Variants in RGPD3 observed in about 807,000 individuals in gnomAD.
The protein encoded by RGPD3 is RANBP2 like and GRIP domain containing 3.
RGPD3 carries 62 observed loss-of-function variants against 154.5 expected under a neutral mutation model. That is an observed-to-expected ratio of 0.40 (90% CI 0.33 to 0.50). The LOEUF (loss-of-function observed/expected upper bound fraction) is 0.50. Among genes scored for constraint, RGPD3 ranks in the 20% least tolerant of loss-of-function variants. The pLI, the probability that RGPD3 is intolerant of heterozygous loss-of-function variation, is 0.59. For missense variants in RGPD3, 919 were observed against 1,716.8 expected (o/e 0.54, Z 8.21); for synonymous variants, 308 against 607.0 (o/e 0.51, Z 7.24).
chr2:106,410,761 G>A (rs1676646340), intron 22 of RGPD3, among the ~76,000 whole-genome samples: 1 of 151,674 alleles, frequency 6.6e-6, no homozygotes, highest in Non-Finnish European at 1.5e-5. Flanking sequence ...TATAAAATTA[G>A]GTTTACTTTT....
intron 1 of RGPD3, among the ~76,000 whole-genome samples, chr2:106,464,374 A>G (rs1223311636): frequency 4.6e-5 from 7 of 151,728 alleles, no homozygotes; most frequent in Admixed American, 4.6e-4. Flanking sequence ...AAATGTCTAA[A>G]ATGGGAGAAA....
At chr2:106,405,365 G>T (rs1397181104) in intron 22 of RGPD3, 136 bp from the exon 23 acceptor site, 4 of 951,722 alleles carry the variant, frequency 4.2e-6, no homozygotes, top group Admixed American at 3.3e-5. Context: ...TTTGTTGGGT[G>T]GGGGGGGTTC....
At chr2:106,406,624 T>A (rs1450300134) in intron 22 of RGPD3, among the ~76,000 whole-genome samples, 18 of 150,740 alleles carry the variant, frequency 1.2e-4, no homozygotes, top group South Asian at 4.3e-4. Context: ...GTGTACAGGT[T>A]TTTAATTAAA....
intron 1 of RGPD3, among the ~76,000 whole-genome samples, chr2:106,466,212 T>A (rs1308269166): frequency 1.3e-5 from 2 of 151,886 alleles, no homozygotes; most frequent in East Asian, 1.9e-4. Flanking sequence ...GCGCCAACGG[T>A]CTCCCGCCCG....
At chr2:106,438,403 C>T (rs1459282680) in intron 9 of RGPD3, among the ~76,000 whole-genome samples, 1 of 150,680 alleles carries the variant, frequency 6.6e-6, no homozygotes, top group Non-Finnish European at 1.5e-5. Context: ...CAAGAGAATC[C>T]CTTGAGCCCA....
chr2:106,450,705 C>CAAAAA (rs768839840), intron 6 of RGPD3, among the ~76,000 whole-genome samples: 43 of 43,250 alleles, frequency 9.9e-4, no homozygotes, highest in African/African-American at 4.1e-3. Context: ...GACTCTGTCT[C>CAAAAA]AAAAAAAAAA....
In RGPD3 at chr2:106,446,264, T is replaced by TAA. The variant is rs1239130246; in HGVS notation, c.978+1152_978+1153dup. Reference sequence around the variant, plus strand: ...CCTTTCAAAAGTTATGCAGGCTCATTAAAAAAAAAAAAAAAAAAAAGGCTG... The same window carrying TAA: ...CCTTTCAAAAGTTATGCAGGCTCATTAAAAAAAAAAAAAAAAAAAAAAGGCTG... On this transcript the variant is annotated intron_variant, in intron 7 of 22. Transcript: ENST00000409886. Among the ~76,000 whole-genome samples the TAA allele has an allele frequency of 6.3e-3, 462 of 73,328 alleles. 1 individual carries two copies. Among genetic ancestry groups the TAA allele is most frequent in the African/African-American group, 0.016 (304 of 19,128 alleles). The allele number at this position is 73,328 out of a possible 152,430, so 48.1% of individuals were successfully genotyped here. A position where few individuals can be genotyped will look rare whatever the true frequency, so the allele number is the denominator to read the frequency against.
intron 22 of RGPD3, among the ~76,000 whole-genome samples, chr2:106,412,134 AAAGT>A (rs1249443338): frequency 1.4e-5 from 2 of 144,928 alleles, no homozygotes; most frequent in East Asian, 2.0e-4. Flanking sequence ...GTCAAAAATA[AAAGT>A]AATTTAAAAC....
intron 22 of RGPD3, among the ~76,000 whole-genome samples, 172 bp from the exon 23 acceptor site, chr2:106,405,401 G>C (rs1298551941): frequency 7.0e-6 from 1 of 141,970 alleles, no homozygotes; most frequent in Non-Finnish European, 1.5e-5. Flanking sequence ...TTTGAGACAG[G>C]GTCTTGCTCT....
In RGPD3 at chr2:106,457,379, G is replaced by A. The variant is rs1398417482; in HGVS notation, c.252+188C>T. The stretch of plus-strand genomic sequence containing the variant: ...ACACAAAAGAACACCATTTCTGACC[G>A]TGTTAGACTTACAATTTATAGGTGT... On this transcript the variant is annotated intron_variant, in intron 3 of 22. Coordinates refer to ENST00000409886, the MANE Select transcript of RGPD3 (RefSeq NM_001144013.2). 7.2e-5 allele frequency among the ~76,000 whole-genome samples: 11 copies of A among 152,266 alleles called. No homozygotes were observed. The East Asian group carries it at 7.7e-4, about 11-fold the overall frequency.
chr2:106,438,062 G>A (rs887457263), intron 9 of RGPD3, among the ~76,000 whole-genome samples: 1 of 152,030 alleles, frequency 6.6e-6, no homozygotes, highest in South Asian at 2.1e-4. Flanking sequence ...TCCTGAGTAG[G>A]GACTACAGGC....
intron 22 of RGPD3, among the ~76,000 whole-genome samples, chr2:106,408,709 G>T (rs1676581502): frequency 6.6e-6 from 1 of 151,448 alleles, no homozygotes; most frequent in Non-Finnish European, 1.5e-5. Context: ...GTTTTACTCT[G>T]TTGCCCAGGC....
At chr2:106,411,507 T>C (rs1256519461) in intron 22 of RGPD3, among the ~76,000 whole-genome samples, 2 of 148,944 alleles carry the variant, frequency 1.3e-5, no homozygotes, top group Non-Finnish European at 3.0e-5. Flanking sequence ...TAAAAATATA[T>C]TTATATATAT....
At chr2:106,451,087 CA>C (rs10690405) in intron 6 of RGPD3, among the ~76,000 whole-genome samples, 339 of 108,676 alleles carry the variant, frequency 3.1e-3, no homozygotes, top group African/African-American at 0.013. Context: ...GACTCCCTCT[CA>C]AAAAAAAAAA....
chr2:106,462,169 C>T (rs377533776), intron 1 of RGPD3, among the ~76,000 whole-genome samples: 142 of 152,250 alleles, frequency 9.3e-4, no homozygotes, highest in African/African-American at 3.2e-3. Context: ...GCGTCAGCCA[C>T]GGAGCCCGGC....
At position 106,423,211 on chromosome 2, in the gene RGPD3, TA is replaced by T. The variant is rs1429655743; in HGVS notation, c.4755del (p.Ser1586ValfsTer3). ...TCAGATCCACTCTGGGCTACTGAAC[TA>T]GTTTCACTATTGTTACTTTTCAAAG... ...NAPLKSNNSETSSVAQSGSES... is the reference protein window; with the variant it reads ...NAPLKSNNSEXSSVAQSGSES... On this transcript the variant is annotated frameshift_variant, in exon 20 of 23. Coordinates refer to ENST00000409886, the MANE Select transcript of RGPD3 (RefSeq NM_001144013.2). LOFTEE classifies it high-confidence loss of function. 6.2e-7 allele frequency: 1 copy of T among 1,611,790 alleles called. No homozygotes were observed. Among genetic ancestry groups the T allele is most frequent in the East Asian group, 2.2e-5 (1 of 44,838 alleles).
intron 6 of RGPD3, among the ~76,000 whole-genome samples, chr2:106,451,928 C>G (rs1445861538): frequency 2.0e-5 from 3 of 148,232 alleles, no homozygotes; most frequent in African/African-American, 7.5e-5. Context: ...TCATTTTAAG[C>G]TTGACTATGA....
chr2:106,432,357 G>A (rs2104470783), intron 17 of RGPD3, among the ~76,000 whole-genome samples: 1 of 148,520 alleles, frequency 6.7e-6, no homozygotes, highest in South Asian at 2.2e-4. Context: ...GGAGGCTGAG[G>A]CAGGAGAGTC....
upstream of RGPD3, chr2:106,468,505 G>T: frequency 1.2e-5 from 11 of 931,960 alleles, no homozygotes; most frequent in Non-Finnish European, 1.7e-5. Flanking sequence ...AGCACCCTGT[G>T]CTCTGAGGGT....
Sources: gnomAD v4.1 joint callset for allele counts (sites outside exome capture counted in the v4.1 genomes callset) on GRCh38, gnomAD v4.1.1 for gene constraint, MANE v1.5 for transcripts, NCBI Gene and HGNC (gene_info 2026-07-23, HGNC 2026-07-21) for gene names.